Variants in ELAC2 observed in about 807,000 individuals in gnomAD.
ELAC2 encodes the protein elaC ribonuclease Z 2.
A neutral mutation model predicts 105.2 loss-of-function variants in ELAC2; 92 were observed. The ratio of observed to expected loss-of-function variants is 0.87; its 90% CI spans 0.74 to 1.04. ELAC2 has a LOEUF of 1.04. Among genes scored for constraint, ELAC2 ranks in the 50% least tolerant of loss-of-function variants. ELAC2 has a pLI of 0.00. For missense variants in ELAC2, 1,099 were observed against 1,071.7 expected, an observed-to-expected ratio of 1.03 and a Z score of -0.36; for synonymous variants, 468 against 409.1, an observed-to-expected ratio of 1.14 and a Z score of -1.74.
intron 4 of ELAC2, among the ~76,000 whole-genome samples, chr17:13,014,917 C>A (rs1428414294): frequency 1.3e-5 from 2 of 152,208 alleles, no homozygotes; most frequent in Admixed American, 1.3e-4. Context: ...GCAGAGGGAA[C>A]CCGCGGAAGG....
Position 13,004,982 on chromosome 17 carries a change from TC to T in ELAC2, c.983+6del. On this transcript the variant is annotated splice_donor_region_variant and intron_variant, in intron 11 of 23. Coordinates refer to ENST00000338034, the MANE Select transcript of ELAC2 (RefSeq NM_018127.7). ...TCACTTCTCCCACCCTAGAGACCCC[TC>T]ATTACCTCTGAAAGGTGGCATTCTC... The T allele has an allele frequency of 1.2e-6, 2 of 1,607,092 alleles. No individual in the cohort carries two copies. Among genetic ancestry groups the T allele is most frequent in the Non-Finnish European group, 1.7e-6 (2 of 1,173,698 alleles).
chr17:12,998,253 T>C (rs147792537), intron 16 of ELAC2, among the ~76,000 whole-genome samples, 159 bp downstream of exon 16: 1 of 152,186 alleles, frequency 6.6e-6, no homozygotes, highest in Non-Finnish European at 1.5e-5. Context: ...GGCTATAAAA[T>C]GCAGTAAGGC....
intron 17 of ELAC2, chr17:12,996,229 G>A: frequency 3.2e-6 from 2 of 629,796 alleles, no homozygotes; most frequent in East Asian, 5.5e-5. Flanking sequence ...GGAGACCAAG[G>A]TGAGGGTCTC....
intron 6 of ELAC2, 36 bp from the exon 7 acceptor site, chr17:13,011,818 A>G: frequency 6.2e-7 from 1 of 1,614,058 alleles, no homozygotes; most frequent in Non-Finnish European, 8.5e-7. Context: ...TACACACTGC[A>G]CAAGGTGAGC....
Position 12,991,734 on chromosome 17 carries a change from T to G in ELAC2, c.*1084A>C, listed in dbSNP as rs1217014612. 9.4e-6 allele frequency: 2 copies of G among 212,008 alleles called. No homozygotes were observed. Among genetic ancestry groups the G allele is most frequent in the African/African-American group, 4.5e-5 (2 of 44,126 alleles). The allele number at this position is 212,008 out of a possible 1,614,324, so 13.1% of individuals were successfully genotyped here. A position where few individuals can be genotyped will look rare whatever the true frequency, so the allele number is the denominator to read the frequency against. The stretch of plus-strand genomic sequence containing the variant: ...GGGATGGAGCCTGAAGGTCACCACC[T>G]GTGTAAAGCCAGGTCCCTGGCTGAT... On this transcript the variant is annotated 3_prime_UTR_variant, in exon 24 of 24. Coordinates refer to ENST00000338034, the MANE Select transcript of ELAC2 (RefSeq NM_018127.7).
rs2041070670 is a variant in ELAC2, at chr17:13,005,795, A to G, written c.828T>C (p.Ala276=). 6.2e-7 allele frequency: 1 copy of G among 1,614,184 alleles called. No individual in the cohort carries two copies. Among genetic ancestry groups the G allele is most frequent in the Non-Finnish European group, 8.5e-7 (1 of 1,180,034 alleles). The change falls in exon 10 of 24, where the codon GCT becomes GCC. Residue 276 remains alanine (A), a synonymous_variant. Coordinates refer to ENST00000338034, the MANE Select transcript of ELAC2 (RefSeq NM_018127.7). The part of the protein sequence containing the change: ...VGTAAIAPII[A]AVKDGKSITH... ...TGATGCTTTTCCCGTCCTTGACAGC[A>G]GCAATGATGGGAGCGATGGCAGCTG...
intron 14 of ELAC2, chr17:13,000,725 C>T (rs904508042): frequency 4.5e-5 from 10 of 223,536 alleles, no homozygotes; most frequent in East Asian, 1.1e-4. Flanking sequence ...CTTGGCAAAA[C>T]GCAGAAGCCA....
intron 22 of ELAC2, 75 bp from the exon 23 acceptor site, chr17:12,993,906 T>A: frequency 6.2e-7 from 1 of 1,607,550 alleles, no homozygotes; most frequent in Non-Finnish European, 8.5e-7. Flanking sequence ...GCACAGACCC[T>A]GGCCATCAAC....
intron 8 of ELAC2, among the ~76,000 whole-genome samples, chr17:13,010,174 G>A (rs1037547118): frequency 1.4e-5 from 2 of 138,580 alleles, no homozygotes; most frequent in African/African-American, 5.2e-5. Context: ...CATTTCTATC[G>A]AATTTTTTTT....
At chr17:12,996,102 G>A in intron 17 of ELAC2, 124 bp from the exon 18 acceptor site, 2 of 1,051,384 alleles carry the variant, frequency 1.9e-6, no homozygotes, top group Middle Eastern at 2.5e-4. Flanking sequence ...CTCTAACACA[G>A]CCGCAGTGGG....
At position 13,005,913 on chromosome 17, in the gene ELAC2, A is replaced by C. The variant is rs751353102; in HGVS notation, c.797+8T>G. On this transcript the variant is annotated splice_region_variant and intron_variant, in intron 9 of 23. Coordinates refer to ENST00000338034, the MANE Select transcript of ELAC2 (RefSeq NM_018127.7). ...TGAGTCCCCAGAAGCCTTACCCCCC[A>C]CACTCACACTGGGAGGCCCATCTCC... The C allele has an allele frequency of 4.5e-5, 72 of 1,613,922 alleles. No individual in the cohort carries two copies. The highest frequency in any genetic ancestry group is 1.6e-4 in the Middle Eastern group (1 of 6,084).
At position 12,995,938 on chromosome 17, in the gene ELAC2, A is replaced by C; in HGVS notation, c.1698+2T>G. 6.3e-7 allele frequency: 1 copy of C among 1,595,342 alleles called. No homozygotes were observed. The highest frequency in any genetic ancestry group is 8.6e-7 in the Non-Finnish European group (1 of 1,169,462). On this transcript the variant is annotated splice_donor_variant, in intron 18 of 23. Coordinates refer to ENST00000338034, the MANE Select transcript of ELAC2 (RefSeq NM_018127.7). LOFTEE classifies it high-confidence loss of function. The stretch of plus-strand genomic sequence containing the variant: ...AGAACGCCCATCAAGTGCCACACTT[A>C]CCAAGGCGCGTTCTCTCTGCAGCAA...
intron 6 of ELAC2, among the ~76,000 whole-genome samples, 171 bp from the exon 7 acceptor site, chr17:13,011,953 C>T (rs752986968): frequency 6.6e-6 from 1 of 152,186 alleles, no homozygotes; most frequent in East Asian, 1.9e-4. Flanking sequence ...TGGGCTGCAC[C>T]TATGTCCTAT....
In ELAC2 at chr17:12,992,980, G is replaced by T. The variant is rs550032568; in HGVS notation, c.2319C>A (p.Gly773=). ...LIPPLKALFA[G]DIEEMEERRE... is the part of the protein sequence containing the mutation. Reference sequence around the variant, plus strand: ...TGCGCTCCTCCATCTCCTCGATGTCGCCAGCAAACAGGGCTTTCAGTGGGG... The same window carrying T: ...TGCGCTCCTCCATCTCCTCGATGTCTCCAGCAAACAGGGCTTTCAGTGGGG... The change falls in exon 24 of 24, where the codon GGC becomes GGA. Residue 773 remains glycine (G), a synonymous_variant. Coordinates refer to ENST00000338034, the MANE Select transcript of ELAC2 (RefSeq NM_018127.7). 10 of 1,610,138 alleles carry T rather than the reference G, an allele frequency of 6.2e-6. No homozygotes were observed. The highest frequency in any genetic ancestry group is 8.5e-6 in the Non-Finnish European group (10 of 1,180,016).
Position 12,991,792 on chromosome 17 carries a change from CT to C in ELAC2, c.*1025del, listed in dbSNP as rs2040169374. The C allele has an allele frequency of 4.6e-6, 1 of 215,762 alleles. No individual in the cohort carries two copies. Among genetic ancestry groups the C allele is most frequent in the Non-Finnish European group, 9.3e-6 (1 of 106,960 alleles). 13.4% of individuals were successfully genotyped at this position (215,762 alleles called of 1,614,324 possible). ...TTGCTTGTCTTTTGAGTTTTTAAAG[CT>C]CTTCTTTTTACATTCTCCTGGGTAG... On this transcript the variant is annotated 3_prime_UTR_variant, in exon 24 of 24. Transcript: ENST00000338034.
At chr17:13,015,097 C>T (rs1262264617) in intron 4 of ELAC2, among the ~76,000 whole-genome samples, 1 of 152,168 alleles carries the variant, frequency 6.6e-6, no homozygotes, top group Non-Finnish European at 1.5e-5. Context: ...CCATGAAGGG[C>T]TTTAGGGTGG....
chr17:12,994,394 T>C, intron 22 of ELAC2, 31 bp downstream of exon 22: 1 of 1,613,066 alleles, frequency 6.2e-7, no homozygotes, highest in Non-Finnish European at 8.5e-7. Context: ...GGAGAGGATG[T>C]GGGCGACAAG....
intron 14 of ELAC2, 66 bp downstream of exon 14, chr17:13,002,207 GT>G: frequency 6.6e-7 from 1 of 1,520,406 alleles, no homozygotes. Flanking sequence ...CATTTACTAT[GT>G]GGCTATTTAC....
At chr17:12,993,877 G>A in intron 22 of ELAC2, 46 bp from the exon 23 acceptor site, 1 of 1,613,518 alleles carries the variant, frequency 6.2e-7, no homozygotes, top group African/African-American at 1.3e-5. Context: ...TCAACTGCAA[G>A]ACTGCAAAGC....
Sources: gnomAD v4.1 joint callset for allele counts (sites outside exome capture counted in the v4.1 genomes callset) on GRCh38, gnomAD v4.1.1 for gene constraint, MANE v1.5 for transcripts, NCBI Gene and HGNC (gene_info 2026-07-23, HGNC 2026-07-21) for gene names.